SLC45A1: variants seen among roughly 807,000 people sequenced by gnomAD.
The protein encoded by SLC45A1 is solute carrier family 45 member 1.
In SLC45A1, 28 loss-of-function variants were observed where a neutral mutation model predicts 57.6. The observed-to-expected ratio is 0.49, with a 90% CI of 0.36 to 0.67. SLC45A1 has a LOEUF of 0.67. Ranked by LOEUF, SLC45A1 falls within the 30% of genes least tolerant of loss-of-function variation. The probability of loss-of-function intolerance (pLI) is 0.00; values close to 1 mark genes in which losing one functional copy is unlikely to be tolerated. For synonymous variants in SLC45A1, 459 were observed against 471.5 expected, an observed-to-expected ratio of 0.97 and a Z score of 0.34; for missense variants, 814 against 1,041.5, an observed-to-expected ratio of 0.78 and a Z score of 3.01.
intron 8 of SLC45A1, 70 bp downstream of exon 8, chr1:8,339,768 G>C: frequency 7.2e-7 from 1 of 1,390,500 alleles, no homozygotes; most frequent in South Asian, 1.2e-5. Context: ...CTGTCCCCCA[G>C]GACCAGCTGC....
In SLC45A1 at chr1:8,325,425, G is replaced by C; in HGVS notation, c.490+35G>C. 2.4e-5 allele frequency: 31 copies of C among 1,267,122 alleles called. No individual in the cohort carries two copies. The highest frequency in any genetic ancestry group is 1.6e-5 in the African/African-American group (1 of 63,844). 78.5% of individuals were successfully genotyped at this position (1,267,122 alleles called of 1,614,324 possible). Reference sequence around the variant, plus strand: ...TTTGGCATGGAAATAAAATGGAGAGGAAAAAAAAAAGGCCCCAACTGCTTC... The same window carrying C: ...TTTGGCATGGAAATAAAATGGAGAGCAAAAAAAAAAGGCCCCAACTGCTTC... On this transcript the variant is annotated intron_variant, in intron 3 of 8. Coordinates refer to ENST00000471889, the MANE Select transcript of SLC45A1 (RefSeq NM_001080397.3). The surrounding 1 kb of genome is among the most constrained non-coding windows in gnomAD (Gnocchi z 6.3).
chr1:8,322,223 A>T (rs1461442892), intron 1 of SLC45A1, among the ~76,000 whole-genome samples: 1 of 94,886 alleles, frequency 1.1e-5, no homozygotes, highest in Non-Finnish European at 2.0e-5. Flanking sequence ...GGGTGGATGG[A>T]TGGATGGGTG....
chr1:8,342,918 GA>G (rs1050243885), intron 8 of SLC45A1, among the ~76,000 whole-genome samples: 78 of 146,090 alleles, frequency 5.3e-4, no homozygotes, highest in African/African-American at 1.9e-3. Flanking sequence ...AAAAAGAAAA[GA>G]GAAAAGAAAG....
intron 1 of SLC45A1, among the ~76,000 whole-genome samples, chr1:8,321,919 ATGGG>A (rs1640019066): frequency 9.1e-6 from 1 of 109,858 alleles, no homozygotes; most frequent in South Asian, 3.6e-4. Flanking sequence ...GGATGGATGG[ATGGG>A]TGGGTGGGTG....
chr1:8,318,813 T>G (rs1639904485), intron 1 of SLC45A1, among the ~76,000 whole-genome samples: 1 of 152,210 alleles, frequency 6.6e-6, no homozygotes, highest in South Asian at 2.1e-4. Context: ...AGGCTGCACC[T>G]GGCCTGGGCT....
Position 8,325,401 on chromosome 1 carries a change from T to G in SLC45A1, c.490+11T>G. On this transcript the variant is annotated intron_variant, in intron 3 of 8. Transcript: ENST00000471889. This position sits in a 1 kb window ranked among gnomAD's most constrained non-coding sequence, Gnocchi z 6.3. ...TTGTCCTGGCTATAGGTCTGTTGTT[T>G]TGGCATGGAAATAAAATGGAGAGGA... 1 of 1,576,484 alleles carries G rather than the reference T, an allele frequency of 6.3e-7. No homozygotes were observed. Among genetic ancestry groups the G allele is most frequent in the Non-Finnish European group, 8.7e-7 (1 of 1,149,592 alleles).
Position 8,324,700 on chromosome 1 carries a change from T to A in SLC45A1, c.371T>A (p.Leu124Gln). The A allele has an allele frequency of 6.3e-7, 1 of 1,594,234 alleles. No homozygotes were observed. The highest frequency in any genetic ancestry group is 8.5e-7 in the Non-Finnish European group (1 of 1,170,198). Residue 124 changes from leucine to glutamine, a missense_variant, in exon 2 of 9, where the codon CTG becomes CAG. Physicochemically the swap from Leu to Gln is moderately radical, Grantham distance 113. Transcript: ENST00000471889. Reference protein sequence around the residue: ...QMGLPDQLYSLVWFISPILGF... With the variant: ...QMGLPDQLYSQVWFISPILGF... Reference sequence around the variant, plus strand: ...GGCCTGCCCGACCAGCTCTACAGCCTGGTGTGGTTCATCAGCCCCATCCTC... The same window carrying A: ...GGCCTGCCCGACCAGCTCTACAGCCAGGTGTGGTTCATCAGCCCCATCCTC...
rs899152011 is a variant in SLC45A1, at chr1:8,318,134, C to T, written c.-77C>T. 6.4e-6 allele frequency: 3 copies of T among 465,764 alleles called. No individual in the cohort carries two copies. Among genetic ancestry groups the T allele is most frequent in the Admixed American group, 8.5e-5 (2 of 23,580 alleles). The allele number at this position is 465,764 out of a possible 1,614,324, so 28.9% of individuals were successfully genotyped here. ...ATGCTGCAGCAGCCGGGACCGCGGC[C>T]GGGCAGGCAGCAGCCCAGCGGGGAC... On this transcript the variant is annotated 5_prime_UTR_variant, in exon 1 of 9. Transcript: ENST00000471889.
rs1189138301 is a variant in SLC45A1, at chr1:8,335,609, C to A, written c.1597+19C>A. 2.5e-6 allele frequency: 4 copies of A among 1,586,594 alleles called. No homozygotes were observed. Among genetic ancestry groups the A allele is most frequent in the African/African-American group, 1.3e-5 (1 of 74,448 alleles). On this transcript the variant is annotated intron_variant, in intron 6 of 8. Transcript: ENST00000471889. The surrounding 1 kb of genome is among the most constrained non-coding windows in gnomAD (Gnocchi z 4.1). ...TTCCTGGGTGAGCTCCCGGCCAAGC[C>A]TCCCCGTGAGTCCTGGTCCTGCTCA...
intron 5 of SLC45A1, among the ~76,000 whole-genome samples, chr1:8,331,299 T>A (rs1271452142): frequency 7.1e-6 from 1 of 141,672 alleles, no homozygotes; most frequent in Non-Finnish European, 1.5e-5. Context: ...AAAACACTTT[T>A]AAAAAATATT....
In SLC45A1 at chr1:8,325,571, G is replaced by A. The variant is rs1385629027; in HGVS notation, c.490+181G>A. Among the ~76,000 whole-genome samples, 2 of 152,128 alleles carry A rather than the reference G, an allele frequency of 1.3e-5. No homozygotes were observed. The highest frequency in any genetic ancestry group is 1.5e-5 in the Non-Finnish European group (1 of 68,024). On this transcript the variant is annotated intron_variant, in intron 3 of 8. Transcript: ENST00000471889. The surrounding 1 kb of genome is among the most constrained non-coding windows in gnomAD (Gnocchi z 6.3). ...CCTCAGTTAACTGTGAGAATAGATCGCTTTGATCATTTTTAAAAATTGAGT... is the reference window on the plus strand; with the variant it reads ...CCTCAGTTAACTGTGAGAATAGATCACTTTGATCATTTTTAAAAATTGAGT...
At chr1:8,332,242 A>C (rs984302807) in intron 5 of SLC45A1, among the ~76,000 whole-genome samples, 2 of 152,052 alleles carry the variant, frequency 1.3e-5, no homozygotes, top group Non-Finnish European at 2.9e-5. Flanking sequence ...GGCAGTGGGA[A>C]TCCTGTGCCA....
intron 1 of SLC45A1, among the ~76,000 whole-genome samples, chr1:8,322,182 G>A (rs1331062674): frequency 4.6e-5 from 3 of 65,236 alleles, no homozygotes; most frequent in African/African-American, 9.8e-5. Flanking sequence ...TGGGTGGGTG[G>A]ATGGATGGAT....
chr1:8,340,610 T>C (rs990309904), intron 8 of SLC45A1, among the ~76,000 whole-genome samples: 4 of 152,358 alleles, frequency 2.6e-5, no homozygotes, highest in Admixed American at 6.5e-5. Context: ...AGATTTCTCT[T>C]GGCTTTTATT....
In SLC45A1 at chr1:8,330,789, G is replaced by C; in HGVS notation, c.1296G>C (p.Gly432=). The change falls in exon 5 of 9, where the codon GGG becomes GGC. Residue 432 remains glycine, a synonymous_variant. Transcript: ENST00000471889. This position sits in a 1 kb window ranked among gnomAD's most constrained non-coding sequence, Gnocchi z 8.4. Reference sequence around the variant, plus strand: ...GTGCCCTGACCTCCGGCTGTGACGGGGACATTCTGAGGGTGGGCTCCTTGG... The same window carrying C: ...GTGCCCTGACCTCCGGCTGTGACGGCGACATTCTGAGGGTGGGCTCCTTGG... The part of the protein sequence containing the change: ...REGALTSGCD[G]DILRVGSLDT... 1.9e-6 allele frequency: 3 copies of C among 1,613,462 alleles called. No individual in the cohort carries two copies. Among genetic ancestry groups the C allele is most frequent in the African/African-American group, 1.3e-5 (1 of 75,058 alleles).
rs1234367225 is a variant in SLC45A1 at position 8,326,146 on chromosome 1, G to C, written c.715+104G>C. On this transcript the variant is annotated intron_variant, in intron 4 of 8. Coordinates refer to ENST00000471889, the MANE Select transcript of SLC45A1 (RefSeq NM_001080397.3). The surrounding 1 kb of genome is among the most constrained non-coding windows in gnomAD (Gnocchi z 5.5). ...ACTCCCTGATTTAACAAAGAAGCTG[G>C]GAGAATTCCAATACATGGAGAAACA... The C allele has an allele frequency of 2.4e-6, 2 of 845,908 alleles. No individual in the cohort carries two copies. The highest frequency in any genetic ancestry group is 3.7e-6 in the Non-Finnish European group (2 of 543,082). 52.4% of individuals were successfully genotyped at this position (845,908 alleles called of 1,614,324 possible).
chr1:8,339,859 G>A lies in SLC45A1; in HGVS notation c.1980+161G>A, dbSNP rs114661689. ...CAAGGGGGGCCCTTCTGAGTCTGGG[G>A]CGTGCCCCCTGCCTGTAATCCCCTC... On this transcript the variant is annotated intron_variant, in intron 8 of 8. Transcript: ENST00000471889. Among the ~76,000 whole-genome samples, 919 of 152,332 alleles carry A rather than the reference G, an allele frequency of 6.0e-3. 8 individuals carry two copies. The highest frequency in any genetic ancestry group is 0.021 in the African/African-American group (887 of 41,588).
chr1:8,330,554 G>C lies in SLC45A1; in HGVS notation c.1061G>C (p.Arg354Thr). Residue 354 changes from arginine to threonine, a missense_variant, in exon 5 of 9, where the codon AGG becomes ACG. Transcript: ENST00000471889. This position sits in a 1 kb window ranked among gnomAD's most constrained non-coding sequence, Gnocchi z 8.4. ...LTPKYGSFIS[R>T]DSSLTGISEF... ...CCCAAGTACGGCAGCTTCATCAGCAGGGACAGCTCCCTGACGGGCATCAGC... is the reference window on the plus strand; with the variant it reads ...CCCAAGTACGGCAGCTTCATCAGCACGGACAGCTCCCTGACGGGCATCAGC... The C allele has an allele frequency of 6.2e-7, 1 of 1,613,380 alleles. No homozygotes were observed. The highest frequency in any genetic ancestry group is 8.5e-7 in the Non-Finnish European group (1 of 1,179,968).
chr1:8,328,112 CAGTT>C lies in SLC45A1; in HGVS notation c.715+2072_715+2075del, dbSNP rs1236686452. ...GTTATCTCGATTGATTGCCCACAGTCAGTTACAGATGGAACTCCTTCCTCTACTC... is the reference window on the plus strand; with the variant it reads ...GTTATCTCGATTGATTGCCCACAGTCACAGATGGAACTCCTTCCTCTACTC... On this transcript the variant is annotated intron_variant, in intron 4 of 8. Coordinates refer to ENST00000471889, the MANE Select transcript of SLC45A1 (RefSeq NM_001080397.3). The surrounding 1 kb of genome is among the most constrained non-coding windows in gnomAD (Gnocchi z 4.6). 2.6e-5 allele frequency: 4 copies of C among 152,226 alleles called. No homozygotes were observed. Among genetic ancestry groups the C allele is most frequent in the Admixed American group, 6.5e-5 (1 of 15,284 alleles). 9.4% of individuals were successfully genotyped at this position (152,226 alleles called of 1,614,324 possible).
Sources: gnomAD v4.1 joint callset for allele counts (sites outside exome capture counted in the v4.1 genomes callset) on GRCh38, gnomAD v4.1.1 for gene constraint, Gnocchi (gnomAD v3.1) non-coding constraint, MANE v1.5 for transcripts, NCBI Gene and HGNC (gene_info 2026-07-23, HGNC 2026-07-21) for gene names.